Variants in MYH14 observed in about 807,000 individuals in gnomAD.
MYH14 encodes myosin heavy chain 14.
In MYH14, 123 loss-of-function variants were observed where a neutral mutation model predicts 255.5. That is an observed-to-expected ratio of 0.48 (90% CI 0.42 to 0.56). The LOEUF (loss-of-function observed/expected upper bound fraction) is 0.56. MYH14 is among the 20% of genes least tolerant of loss of function. The pLI is 0.00. For missense variants in MYH14, 2,423 were observed against 2,802.3 expected (o/e 0.86, Z 3.06); for synonymous variants, 1,095 against 1,161.2 (o/e 0.94, Z 1.16).
intron 18 of MYH14, among the ~76,000 whole-genome samples, chr19:50,257,743 T>C (rs2034645687): frequency 6.6e-6 from 1 of 152,184 alleles, no homozygotes; most frequent in South Asian, 2.1e-4. Flanking sequence ...CCAACTCCTG[T>C]TCTCAGGGAG....
rs148223762 is a variant in MYH14, at chr19:50,271,813, C to G, written c.3172-36C>G. ...GGTAAGGGCTGCTCCTGGCCCAACTCCTCCTGACTGCCCCCCATCCCACTC... is the reference window on the plus strand; with the variant it reads ...GGTAAGGGCTGCTCCTGGCCCAACTGCTCCTGACTGCCCCCCATCCCACTC... On this transcript the variant is annotated intron_variant, in intron 25 of 42. Transcript: ENST00000642316. 19 of 1,611,296 alleles carry G rather than the reference C, an allele frequency of 1.2e-5. No individual in the cohort carries two copies. In the African/African-American group the frequency reaches 2.5e-4, roughly 22 times the overall value.
At chr19:50,231,319 G>C (rs939306348) in intron 9 of MYH14, among the ~76,000 whole-genome samples, 2 of 152,266 alleles carry the variant, frequency 1.3e-5, no homozygotes, top group Non-Finnish European at 2.9e-5. Flanking sequence ...GGCCTGTGCT[G>C]ACTTGGGCCT....
rs199720250 is a variant in MYH14 at position 50,252,787 on chromosome 19, G to C, written c.1945+34G>C. ...CCACTTCCCCCACCCCGGCTCTAGG[G>C]GTCTGTGCGGCCATTCTCCAAATCC... On this transcript the variant is annotated intron_variant, in intron 16 of 42. Coordinates refer to ENST00000642316, the MANE Select transcript of MYH14 (RefSeq NM_001145809.2). This position sits in a 1 kb window ranked among gnomAD's most constrained non-coding sequence, Gnocchi z 4.2. 135 of 1,455,390 alleles carry C rather than the reference G, an allele frequency of 9.3e-5. 1 individual carries two copies. The African/African-American group carries it at 1.6e-3, about 17-fold the overall frequency. 90.2% of individuals were successfully genotyped at this position (1,455,390 alleles called of 1,614,324 possible).
chr19:50,276,868 G>T lies in MYH14; in HGVS notation c.3792G>T (p.Gly1264=). The part of the protein sequence containing the change: ...ELRQRHGQAL[G]ELAEQLEQAR... ...GGCAGCGCCACGGCCAGGCCCTGGGGGAGCTGGCGGAGCAGCTGGAGCAGG... is the reference window on the plus strand; with the variant it reads ...GGCAGCGCCACGGCCAGGCCCTGGGTGAGCTGGCGGAGCAGCTGGAGCAGG... Residue 1264 remains glycine, a synonymous_variant, in exon 29 of 43, where the codon GGG becomes GGT. Coordinates refer to ENST00000642316, the MANE Select transcript of MYH14 (RefSeq NM_001145809.2). This position sits in a 1 kb window ranked among gnomAD's most constrained non-coding sequence, Gnocchi z 4.3. 6.2e-7 allele frequency: 1 copy of T among 1,611,796 alleles called. No individual in the cohort carries two copies. Among genetic ancestry groups the T allele is most frequent in the Non-Finnish European group, 8.5e-7 (1 of 1,179,680 alleles).
At position 50,223,252 on chromosome 19, in the gene MYH14, A is replaced by C. The variant is rs1476551212; in HGVS notation, c.596A>C (p.Glu199Ala). The change falls in exon 5 of 43, where the codon GAG (glutamate) becomes GCG (alanine). Residue 199 changes from glutamate to alanine, a missense_variant. By Grantham distance (107) the Glu-to-Ala change is moderately radical. Around this residue, in one of 3 missense-constraint regions of MYH14, gnomAD observed 672 missense variants for 881.8 expected, o/e 0.76. Coordinates refer to ENST00000642316, the MANE Select transcript of MYH14 (RefSeq NM_001145809.2). ...TCCCCTTGTCATCCCCACAGTGGAG[A>C]GTCTGGAGCTGGGAAGACGGAAAAC... Reference protein sequence around the residue: ...REDQSILCTGESGAGKTENTK... With the variant: ...REDQSILCTGASGAGKTENTK... 6.2e-7 allele frequency: 1 copy of C among 1,613,372 alleles called. No homozygotes were observed. The highest frequency in any genetic ancestry group is 2.2e-5 in the East Asian group (1 of 44,856).
intron 2 of MYH14, among the ~76,000 whole-genome samples, chr19:50,212,222 G>A (rs75885666): frequency 0.038 from 5,824 of 152,200 alleles, 120 homozygotes; most frequent in Middle Eastern, 0.054. Context: ...ACTTTCAGTC[G>A]AGCTCTCTGG....
chr19:50,250,855 G>C lies in MYH14; in HGVS notation c.1830+167G>C, dbSNP rs1314260141. On this transcript the variant is annotated intron_variant, in intron 15 of 42. Coordinates refer to ENST00000642316, the MANE Select transcript of MYH14 (RefSeq NM_001145809.2). This position sits in a 1 kb window ranked among gnomAD's most constrained non-coding sequence, Gnocchi z 5.4. ...GGAGGAGCAAGGATTCTGTCTGATG[G>C]GATCACCAAAAACTTCCTCAAAGAG... Among the ~76,000 whole-genome samples, 1 of 152,150 alleles carries C rather than the reference G, an allele frequency of 6.6e-6. No individual in the cohort carries two copies. Among genetic ancestry groups the C allele is most frequent in the South Asian group, 2.1e-4 (1 of 4,830 alleles).
intron 16 of MYH14, among the ~76,000 whole-genome samples, chr19:50,253,140 C>T (rs1444735695): frequency 6.6e-6 from 1 of 152,024 alleles, no homozygotes; most frequent in East Asian, 1.9e-4. Flanking sequence ...GCCTGTGTTC[C>T]CTAAACAATT....
intron 1 of MYH14, among the ~76,000 whole-genome samples, 166 bp downstream of exon 1, chr19:50,203,837 C>T (rs2031582341): frequency 7.1e-6 from 1 of 141,466 alleles, no homozygotes; most frequent in Non-Finnish European, 1.5e-5. Context: ...GGGACGGCGG[C>T]GAGGGAGGTG....
rs1019880621 is a variant in MYH14 at position 50,307,041 on chromosome 19, C to G, written c.5679-8C>G. The G allele has an allele frequency of 6.5e-7, 1 of 1,546,908 alleles. No individual in the cohort carries two copies. Among genetic ancestry groups the G allele is most frequent in the East Asian group, 2.4e-5 (1 of 40,870 alleles). On this transcript the variant is annotated splice_region_variant and splice_polypyrimidine_tract_variant and intron_variant, in intron 40 of 42. Coordinates refer to ENST00000642316, the MANE Select transcript of MYH14 (RefSeq NM_001145809.2). ...TCTACTGAGACTCCTCCTCATCCCT[C>G]TCTTCAGAGAGCGCATCCTCTCTGG...
chr19:50,212,445 G>A (rs899252450), intron 2 of MYH14, among the ~76,000 whole-genome samples: 5 of 152,194 alleles, frequency 3.3e-5, no homozygotes, highest in African/African-American at 1.2e-4. Context: ...TCTAAGTGTG[G>A]CGTGTGAGTT....
chr19:50,238,477 C>T (rs1034659512), intron 10 of MYH14, among the ~76,000 whole-genome samples: 2 of 152,020 alleles, frequency 1.3e-5, no homozygotes, highest in African/African-American at 4.8e-5. Flanking sequence ...TGGAGTCTAG[C>T]GCTCTGTTGC....
At chr19:50,237,753 G>A (rs976700455) in intron 10 of MYH14, among the ~76,000 whole-genome samples, 6 of 152,198 alleles carry the variant, frequency 3.9e-5, no homozygotes, top group Admixed American at 3.9e-4. Context: ...ACGATGGCTG[G>A]AGCTTTTTTG....
rs1474519712 is a variant in MYH14 at position 50,280,182 on chromosome 19, T to G, written c.4137+41T>G. ...CTTCGGCTCCACCGTCACCCTCCCC[T>G]CCTTGTCCTCCCAGCCACACCTGAC... On this transcript the variant is annotated intron_variant, in intron 31 of 42. Coordinates refer to ENST00000642316, the MANE Select transcript of MYH14 (RefSeq NM_001145809.2). This position sits in a 1 kb window ranked among gnomAD's most constrained non-coding sequence, Gnocchi z 4.8. The G allele has an allele frequency of 5.8e-6, 9 of 1,558,670 alleles. No individual in the cohort carries two copies. The East Asian group carries it at 2.2e-4, about 38-fold the overall frequency.
At chr19:50,248,459 T>G (rs1411333776) in intron 12 of MYH14, among the ~76,000 whole-genome samples, 1 of 152,068 alleles carries the variant, frequency 6.6e-6, no homozygotes, top group Admixed American at 6.5e-5. Context: ...AGAATCCAGC[T>G]TTTGGGCAGA....
chr19:50,240,774 T>TA (rs2033860432), intron 10 of MYH14, among the ~76,000 whole-genome samples: 1 of 151,740 alleles, frequency 6.6e-6, no homozygotes, highest in African/African-American at 2.4e-5. Flanking sequence ...TCATCTCTAT[T>TA]AAAAAAATAA....
Position 50,293,774 on chromosome 19 carries a change from AAG to A in MYH14, c.5469+88_5469+89del. On this transcript the variant is annotated intron_variant, in intron 39 of 42. Coordinates refer to ENST00000642316, the MANE Select transcript of MYH14 (RefSeq NM_001145809.2). This position sits in a 1 kb window ranked among gnomAD's most constrained non-coding sequence, Gnocchi z 4.1. ...AGTCCTCTTATTCAACAAATATAGA[AAG>A]GGGATATTTGAGTTGGGTTTTGAAG... 1 of 1,402,974 alleles carries A rather than the reference AAG, an allele frequency of 7.1e-7. No individual in the cohort carries two copies. The allele number at this position is 1,402,974 out of a possible 1,614,324, so 86.9% of individuals were successfully genotyped here.
At chr19:50,239,031 C>T (rs142507371) in intron 10 of MYH14, among the ~76,000 whole-genome samples, 1 of 152,082 alleles carries the variant, frequency 6.6e-6, no homozygotes, top group Non-Finnish European at 1.5e-5. Context: ...AAAATTCTCT[C>T]TTGCGCATGA....
rs1474980781 is a variant in MYH14 at position 50,247,083 on chromosome 19, T to C, written c.1290T>C (p.Val430=). ...CCTTGCTCACCCCTCGCATCAAAGTTGGCCGAGACTATGTGCAGAAAGCCC... is the reference window on the plus strand; with the variant it reads ...CCTTGCTCACCCCTCGCATCAAAGTCGGCCGAGACTATGTGCAGAAAGCCC... The part of the protein sequence containing the change: ...SRALLTPRIK[V]GRDYVQKAQT... The change falls in exon 12 of 43, where the codon GTT becomes GTC. Residue 430 remains valine (V), a synonymous_variant. Coordinates refer to ENST00000642316, the MANE Select transcript of MYH14 (RefSeq NM_001145809.2). 6.2e-7 allele frequency: 1 copy of C among 1,613,494 alleles called. No individual in the cohort carries two copies. Among genetic ancestry groups the C allele is most frequent in the Non-Finnish European group, 8.5e-7 (1 of 1,179,752 alleles).
Sources: gnomAD v4.1 joint callset for allele counts (sites outside exome capture counted in the v4.1 genomes callset) on GRCh38, gnomAD v4.1.1 for gene constraint, gnomAD v4.1.1 regional missense constraint, Gnocchi (gnomAD v3.1) non-coding constraint, MANE v1.5 for transcripts, NCBI Gene and HGNC (gene_info 2026-07-23, HGNC 2026-07-21) for gene names.